Variants in RNFT2 observed in about 807,000 individuals in gnomAD.
RNFT2 encodes the protein E3 ubiquitin-protein ligase RNFT2.
RNFT2 carries 36 observed loss-of-function variants against 53.0 expected under a neutral mutation model. The ratio of observed to expected loss-of-function variants is 0.68; its 90% CI spans 0.52 to 0.90. The LOEUF (loss-of-function observed/expected upper bound fraction) is 0.90, where lower values mean the gene tolerates loss of function less well. Ranked by LOEUF, RNFT2 falls within the 40% of genes least tolerant of loss-of-function variation. The probability of loss-of-function intolerance (pLI) is 0.00; values close to 1 mark genes in which losing one functional copy is unlikely to be tolerated. For synonymous variants in RNFT2, 260 were observed against 253.2 expected (o/e 1.03, Z -0.26); for missense variants, 514 against 585.6 (o/e 0.88, Z 1.26).
At chr12:116,799,889 C>T (rs1349417154) in intron 7 of RNFT2, among the ~76,000 whole-genome samples, 1 of 152,126 alleles carries the variant, frequency 6.6e-6, no homozygotes, top group Admixed American at 6.6e-5. Context: ...AAAGTGATTC[C>T]CCATTGTTGG....
intron 7 of RNFT2, among the ~76,000 whole-genome samples, chr12:116,781,595 C>G (rs568987861): frequency 2.6e-5 from 4 of 151,734 alleles, no homozygotes; most frequent in African/African-American, 9.6e-5. Flanking sequence ...CTCTCTCCCT[C>G]TCCCTCCCCC....
intron 5 of RNFT2, among the ~76,000 whole-genome samples, chr12:116,766,079 C>T (rs1274854673): frequency 6.6e-6 from 1 of 151,880 alleles, no homozygotes; most frequent in Non-Finnish European, 1.5e-5. Flanking sequence ...CAAGACCAGC[C>T]TGAGCCAAAT....
chr12:116,766,810 T>G lies in RNFT2; in HGVS notation c.628-4T>G. 2 of 1,584,236 alleles carry G rather than the reference T, an allele frequency of 1.3e-6. No homozygotes were observed. The highest frequency in any genetic ancestry group is 2.3e-5 in the South Asian group (2 of 86,602). On this transcript the variant is annotated splice_region_variant and splice_polypyrimidine_tract_variant and intron_variant, in intron 5 of 10. Transcript: ENST00000257575. ...ATATCACATATCTCTTGCTTTGTCT[T>G]CAGGAGAAGAGGTCAGTGCTGGTCA...
At chr12:116,744,360 A>T (rs1871797265) in intron 3 of RNFT2, among the ~76,000 whole-genome samples, 1 of 152,174 alleles carries the variant, frequency 6.6e-6, no homozygotes, top group Admixed American at 6.5e-5. Context: ...ATCTGCTCTC[A>T]AGTGAACCAT....
rs1487108298 is a variant in RNFT2, at chr12:116,749,745, A to G, written c.84-96A>G. On this transcript the variant is annotated intron_variant, in intron 3 of 10. Coordinates refer to ENST00000257575, the MANE Select transcript of RNFT2 (RefSeq NM_001382266.1). Reference sequence around the variant, plus strand: ...ATTTGAGGGGGACACAGCTCAACCCATAACATAATTGATATTATTAGTCCC... The same window carrying G: ...ATTTGAGGGGGACACAGCTCAACCCGTAACATAATTGATATTATTAGTCCC... The G allele has an allele frequency of 7.2e-6, 8 of 1,107,430 alleles. No individual in the cohort carries two copies. In the East Asian group the frequency reaches 7.7e-5, roughly 11 times the overall value. The allele number at this position is 1,107,430 out of a possible 1,614,324, so 68.6% of individuals were successfully genotyped here.
Position 116,852,181 on chromosome 12 carries a change from C to T in RNFT2, c.*2733C>T, listed in dbSNP as rs1294466454. Reference sequence around the variant, plus strand: ...AAGTCTGTTCTCTTATTGTCAACCTCAGCACAACAGGCTGGCGCCAATGGC... The same window carrying T: ...AAGTCTGTTCTCTTATTGTCAACCTTAGCACAACAGGCTGGCGCCAATGGC... On this transcript the variant is annotated 3_prime_UTR_variant, in exon 11 of 11. Coordinates refer to ENST00000257575, the MANE Select transcript of RNFT2 (RefSeq NM_001382266.1). 8.4e-6 allele frequency: 10 copies of T among 1,188,242 alleles called. No homozygotes were observed. The highest frequency in any genetic ancestry group is 1.1e-5 in the Non-Finnish European group (10 of 905,974). The allele number at this position is 1,188,242 out of a possible 1,614,324, so 73.6% of individuals were successfully genotyped here.
chr12:116,765,602 A>G (rs1265442854), intron 5 of RNFT2, among the ~76,000 whole-genome samples: 2 of 152,178 alleles, frequency 1.3e-5, no homozygotes, highest in Non-Finnish European at 2.9e-5. Context: ...CCCAGGGTAC[A>G]TAGGCAGGAA....
At chr12:116,762,471 C>T (rs942833141) in intron 5 of RNFT2, among the ~76,000 whole-genome samples, 7 of 151,802 alleles carry the variant, frequency 4.6e-5, no homozygotes, top group African/African-American at 1.7e-4. Context: ...GTATGGTGGC[C>T]TATGCCTGTA....
chr12:116,780,757 T>C (rs1873660116), intron 7 of RNFT2, among the ~76,000 whole-genome samples: 1 of 150,996 alleles, frequency 6.6e-6, no homozygotes, highest in South Asian at 2.1e-4. Flanking sequence ...CCATTGACCC[T>C]CCCCAAGACC....
chr12:116,823,608 C>A (rs1361897766), intron 7 of RNFT2, among the ~76,000 whole-genome samples: 1 of 152,150 alleles, frequency 6.6e-6, no homozygotes, highest in Non-Finnish European at 1.5e-5. Context: ...TGCTTGAACC[C>A]GGAAGGCGGT....
At chr12:116,796,985 C>T (rs10774888) in intron 7 of RNFT2, among the ~76,000 whole-genome samples, 111,801 of 152,058 alleles carry the variant, frequency 0.74, 43,108 homozygotes, top group Non-Finnish European at 0.86. Flanking sequence ...GGGTGTGCTA[C>T]TGGTATTTAG....
intron 10 of RNFT2, among the ~76,000 whole-genome samples, chr12:116,840,137 A>G (rs1877179631): frequency 6.6e-6 from 1 of 152,186 alleles, no homozygotes; most frequent in African/African-American, 2.4e-5. Flanking sequence ...CTGTCCTCCA[A>G]TTCTTGGTCA....
intron 7 of RNFT2, among the ~76,000 whole-genome samples, chr12:116,788,390 C>T (rs779570359): frequency 6.6e-6 from 1 of 152,218 alleles, no homozygotes; most frequent in Non-Finnish European, 1.5e-5. Context: ...CTGTCTCCCA[C>T]CTGCACCTAC....
At chr12:116,813,007 G>A (rs989085326) in intron 7 of RNFT2, among the ~76,000 whole-genome samples, 3 of 152,168 alleles carry the variant, frequency 2.0e-5, no homozygotes, top group Non-Finnish European at 4.4e-5. Flanking sequence ...CCAGGCTGGA[G>A]TGCAGTGGCA....
intron 7 of RNFT2, among the ~76,000 whole-genome samples, chr12:116,830,930 A>G (rs1159222147): frequency 1.3e-5 from 2 of 151,636 alleles, no homozygotes; most frequent in Non-Finnish European, 2.9e-5. Flanking sequence ...AGAGAGAGAG[A>G]GAAAGAGAGT....
intron 6 of RNFT2, among the ~76,000 whole-genome samples, chr12:116,772,450 G>A (rs967286458): frequency 4.6e-5 from 7 of 151,868 alleles, no homozygotes; most frequent in African/African-American, 1.7e-4. Context: ...GGAATTACAG[G>A]CATGTGCCAC....
chr12:116,759,110 C>T (rs1419344599), intron 5 of RNFT2, among the ~76,000 whole-genome samples: 11 of 152,116 alleles, frequency 7.2e-5, no homozygotes, highest in Admixed American at 3.9e-4. Flanking sequence ...ACCTTGTCTT[C>T]GAGCTCTGAA....
chr12:116,755,722 TC>T (rs1053253325), intron 5 of RNFT2: 2 of 1,495,604 alleles, frequency 1.3e-6, no homozygotes, highest in African/African-American at 2.7e-5. Flanking sequence ...TACGGGGCAT[TC>T]CTTTTTGAAC....
intron 5 of RNFT2, among the ~76,000 whole-genome samples, chr12:116,759,828 G>A (rs2137088076): frequency 6.6e-6 from 1 of 152,304 alleles, no homozygotes; most frequent in African/African-American, 2.4e-5. Flanking sequence ...CTATTTTTGT[G>A]CTGGTTGGCC....
Sources: allele counts gnomAD v4.1 joint callset (sites outside exome capture counted in the v4.1 genomes callset), GRCh38; gene constraint gnomAD v4.1.1; transcripts MANE v1.5; gene names NCBI Gene and HGNC (gene_info 2026-07-23, HGNC 2026-07-21).